RNF4: variants seen among roughly 807,000 people sequenced by gnomAD.
The protein encoded by RNF4 is ring finger protein 4, also known as E3 ubiquitin-protein ligase RNF4.
RNF4 carries 7 observed loss-of-function variants against 24.3 expected under a neutral mutation model. That is an observed-to-expected ratio of 0.29 (90% CI 0.16 to 0.54). The LOEUF is 0.54. RNF4 is among the 20% of genes least tolerant of loss of function. The pLI is 0.95. For synonymous variants in RNF4, 83 were observed against 84.3 expected, an observed-to-expected ratio of 0.98 and a Z score of 0.09; for missense variants, 209 against 248.5, an observed-to-expected ratio of 0.84 and a Z score of 1.07.
At chr4:2,474,361 G>C (rs1275033370) in intron 1 of RNF4, among the ~76,000 whole-genome samples, 1 of 141,894 alleles carries the variant, frequency 7.0e-6, no homozygotes, top group Non-Finnish European at 1.5e-5. Context: ...CAGCCTGGTT[G>C]ACAGAACGAG....
rs192811550 is a variant in RNF4, at chr4:2,509,079, C to T, written c.205-2877C>T. The stretch of plus-strand genomic sequence containing the variant: ...GATTACAGGTGCCCACCACCACACC[C>T]GGCTAATTTTTGTAGTTTTAGTAGA... On this transcript the variant is annotated intron_variant, in intron 4 of 7. Transcript: ENST00000314289. Among the ~76,000 whole-genome samples the T allele has an allele frequency of 7.3e-5, 11 of 150,720 alleles. No individual in the cohort carries two copies. In the East Asian group the frequency reaches 2.1e-3, roughly 29 times the overall value.
intron 3 of RNF4, among the ~76,000 whole-genome samples, chr4:2,498,371 A>G (rs1735801391): frequency 6.6e-6 from 1 of 152,010 alleles, no homozygotes; most frequent in Non-Finnish European, 1.5e-5. Flanking sequence ...TATTTTTAGT[A>G]GAGACGGGGT....
In RNF4 at chr4:2,478,184, T is replaced by A. The variant is rs188576287; in HGVS notation, c.-158+8926T>A. Among the ~76,000 whole-genome samples, 35 of 152,336 alleles carry A rather than the reference T, an allele frequency of 2.3e-4. No individual in the cohort carries two copies. In the East Asian group the frequency reaches 4.0e-3, roughly 18 times the overall value. On this transcript the variant is annotated intron_variant, in intron 1 of 7. Transcript: ENST00000314289. ...TTTAGGGTATCTGGCAGAATAAATT[T>A]CTAAGCAGCAAAGCATTCAAGAGAT... is the stretch of plus-strand genomic sequence containing the variant.
chr4:2,482,043 G>C (rs1735260344), intron 1 of RNF4, among the ~76,000 whole-genome samples: 1 of 152,220 alleles, frequency 6.6e-6, no homozygotes, highest in South Asian at 2.1e-4. Flanking sequence ...CTAGAGAGTT[G>C]AGTTTGGCTA....
chr4:2,506,573 T>TC (rs1290258576), intron 4 of RNF4, among the ~76,000 whole-genome samples: 58 of 151,612 alleles, frequency 3.8e-4, no homozygotes, highest in African/African-American at 1.1e-3. Context: ...TTCTTCTTCT[T>TC]TTTTTTTCCC....
intron 4 of RNF4, chr4:2,505,578 G>A (rs1223807532): frequency 6.6e-6 from 1 of 151,006 alleles, no homozygotes; most frequent in Non-Finnish European, 1.5e-5. Context: ...GCCCGCCTCG[G>A]CCTCCCAAAG....
At chr4:2,495,428 C>T (rs1242222693) in intron 2 of RNF4, among the ~76,000 whole-genome samples, 1 of 152,192 alleles carries the variant, frequency 6.6e-6, no homozygotes, top group Non-Finnish European at 1.5e-5. Context: ...CATCTTCCGT[C>T]TCTGCGCAGT....
In RNF4 at chr4:2,512,869, G is replaced by T. The variant is rs1736307006; in HGVS notation, c.375-214G>T. On this transcript the variant is annotated intron_variant, in intron 6 of 7. Coordinates refer to ENST00000314289, the MANE Select transcript of RNF4 (RefSeq NM_002938.5). The surrounding 1 kb of genome is among the most constrained non-coding windows in gnomAD (Gnocchi z 4.1). ...GCTGGTAGGGGCCTGGGGGAGGGCA[G>T]GGTGACTCAGGTTGTGTGCACCTTC... 6.6e-6 allele frequency among the ~76,000 whole-genome samples: 1 copy of T among 152,174 alleles called. No homozygotes were observed. The highest frequency in any genetic ancestry group is 2.1e-4 in the South Asian group (1 of 4,828).
intron 4 of RNF4, among the ~76,000 whole-genome samples, chr4:2,507,878 A>G (rs1262847972): frequency 6.6e-6 from 1 of 151,772 alleles, no homozygotes; most frequent in Admixed American, 6.6e-5. Flanking sequence ...TTTTTGAGAC[A>G]GGGTGTTGCT....
chr4:2,503,203 C>T (rs1735969486), intron 4 of RNF4, among the ~76,000 whole-genome samples: 1 of 152,152 alleles, frequency 6.6e-6, no homozygotes, highest in African/African-American at 2.4e-5. Flanking sequence ...GACTAAGCTG[C>T]TCTTGCTAAA....
Position 2,512,584 on chromosome 4 carries a change from G to T in RNF4, c.361G>T (p.Ala121Ser). The T allele has an allele frequency of 6.2e-7, 1 of 1,613,746 alleles. No homozygotes were observed. Among genetic ancestry groups the T allele is most frequent in the Admixed American group, 1.7e-5 (1 of 60,010 alleles). ...HTPRNARDEG[A>S]TGLRPSGTVS... ...TCCCAGAAACGCCAGGGATGAGGGC[G>T]CTACAGGCCTCAGGTACCAACGTGC... The change falls in exon 6 of 8, where the codon GCT (alanine) becomes TCT (serine). Residue 121 changes from alanine (A) to serine (S), a missense_variant. This residue lies in a region of RNF4 where 182 missense variants were observed against 197.2 expected (regional missense o/e 0.92). Transcript: ENST00000314289. The surrounding 1 kb of genome is among the most constrained non-coding windows in gnomAD (Gnocchi z 4.1).
At chr4:2,489,620 T>C (rs532565652) in intron 1 of RNF4, among the ~76,000 whole-genome samples, 5 of 152,266 alleles carry the variant, frequency 3.3e-5, no homozygotes. Flanking sequence ...CACCCAGCAG[T>C]GGGTGGCCAC....
At position 2,497,017 on chromosome 4, in the gene RNF4, G is replaced by C; in HGVS notation, c.20G>C (p.Arg7Pro). Reference sequence around the variant, plus strand: ...CCCCTTGCTACTCAGAGAAAGCGTCGTGGTGGAGCAATAAATTCTAGACAA... The same window carrying C: ...CCCCTTGCTACTCAGAGAAAGCGTCCTGGTGGAGCAATAAATTCTAGACAA... MSTRKRRGGAINSRQAQ... is the reference protein window; with the variant it reads MSTRKRPGGAINSRQAQ... The change falls in exon 3 of 8, where the codon CGT becomes CCT. Residue 7 changes from arginine to proline, a missense_variant. Physicochemically the swap from Arg to Pro is moderately radical, Grantham distance 103 (BLOSUM62 -2). This residue lies in a region of RNF4 where 182 missense variants were observed against 197.2 expected (regional missense o/e 0.92). Coordinates refer to ENST00000314289, the MANE Select transcript of RNF4 (RefSeq NM_002938.5). 6.2e-7 allele frequency: 1 copy of C among 1,601,318 alleles called. No homozygotes were observed. The highest frequency in any genetic ancestry group is 1.1e-5 in the South Asian group (1 of 88,588).
intron 2 of RNF4, among the ~76,000 whole-genome samples, chr4:2,491,611 T>G (rs541171719): frequency 1.6e-4 from 24 of 152,046 alleles, no homozygotes; most frequent in Admixed American, 1.4e-3. Context: ...CCCAGCTGAT[T>G]TTGTATTTTT....
At chr4:2,511,793 G>C (rs1434490335) in intron 4 of RNF4, among the ~76,000 whole-genome samples, 163 bp from the exon 5 acceptor site, 1 of 152,216 alleles carries the variant, frequency 6.6e-6, no homozygotes, top group Non-Finnish European at 1.5e-5. Context: ...GACTGGGAGA[G>C]GTGCACAGAT....
chr4:2,500,524 T>C, intron 3 of RNF4, 135 bp from the exon 4 acceptor site: 2 of 815,638 alleles, frequency 2.5e-6, no homozygotes, highest in Non-Finnish European at 3.9e-6. Context: ...GTCCTGGTGC[T>C]CTTTGCAGTG....
intron 2 of RNF4, among the ~76,000 whole-genome samples, chr4:2,493,843 TTTA>T (rs202183324): frequency 2.3e-4 from 35 of 151,634 alleles, no homozygotes; most frequent in African/African-American, 6.8e-4. Flanking sequence ...TTTTCATTTA[TTTA>T]TTATTATTAT....
In RNF4 at chr4:2,512,906, C is replaced by G. The variant is rs113424841; in HGVS notation, c.375-177C>G. ...TTGTGTGCACCTTCTCATGTTCACC[C>G]TCCCACATGCCCTTGGGGCAGTTGG... On this transcript the variant is annotated intron_variant, in intron 6 of 7. Coordinates refer to ENST00000314289, the MANE Select transcript of RNF4 (RefSeq NM_002938.5). This position sits in a 1 kb window ranked among gnomAD's most constrained non-coding sequence, Gnocchi z 4.1. 1.3e-5 allele frequency among the ~76,000 whole-genome samples: 2 copies of G among 152,172 alleles called. No individual in the cohort carries two copies. The highest frequency in any genetic ancestry group is 2.9e-5 in the Non-Finnish European group (2 of 68,024).
intron 1 of RNF4, among the ~76,000 whole-genome samples, chr4:2,488,136 G>GA (rs1365042287): frequency 2.0e-5 from 3 of 152,190 alleles, no homozygotes; most frequent in Non-Finnish European, 4.4e-5. Context: ...GCTGTACTGT[G>GA]AATGAGGCGG....
Sources: gnomAD v4.1 joint callset for allele counts (sites outside exome capture counted in the v4.1 genomes callset) on GRCh38, gnomAD v4.1.1 for gene constraint, gnomAD v4.1.1 regional missense constraint, Gnocchi (gnomAD v3.1) non-coding constraint, MANE v1.5 for transcripts, NCBI Gene and HGNC (gene_info 2026-07-23, HGNC 2026-07-21) for gene names.